SLX4IP: variants seen among roughly 807,000 people sequenced by gnomAD.
SLX4IP encodes protein SLX4IP.
Under a neutral mutation model 32.9 loss-of-function variants are expected in SLX4IP, and 34 were observed. The ratio of observed to expected loss-of-function variants is 1.03; its 90% CI spans 0.79 to 1.38. The LOEUF (loss-of-function observed/expected upper bound fraction) is 1.38. SLX4IP is among the 40% of genes most tolerant of loss of function. The probability of loss-of-function intolerance (pLI) is 0.00; values close to 1 mark genes in which losing one functional copy is unlikely to be tolerated. For missense variants in SLX4IP, 444 were observed against 479.0 expected (o/e 0.93, Z 0.68); for synonymous variants, 172 against 171.7 (o/e 1.00, Z -0.01).
At chr20:10,436,797 T>C (rs6032878) in intron 1 of SLX4IP, among the ~76,000 whole-genome samples, 14,451 of 152,234 alleles carry the variant, frequency 0.095, 755 homozygotes, top group East Asian at 0.15. Flanking sequence ...GGCGTCAATT[T>C]AGCTTTCCAA....
intron 6 of SLX4IP, among the ~76,000 whole-genome samples, chr20:10,615,111 A>G (rs963891388): frequency 2.6e-5 from 4 of 152,048 alleles, no homozygotes; most frequent in African/African-American, 9.7e-5. Context: ...ATTTGCTCGT[A>G]CAGTTCACAT....
chr20:10,626,315 G>A lies in SLX4IP; in HGVS notation c.*2936G>A, dbSNP rs2067173905. On this transcript the variant is annotated 3_prime_UTR_variant, in exon 8 of 8. Coordinates refer to ENST00000334534, the MANE Select transcript of SLX4IP (RefSeq NM_001009608.3). The stretch of plus-strand genomic sequence containing the variant: ...CCCAAAGTGCTGGGATTACAGGTGA[G>A]AGCCACCGCACCCGGCCTGTTTTGA... 1 of 149,718 alleles carries A rather than the reference G, an allele frequency of 6.7e-6. No homozygotes were observed. The highest frequency in any genetic ancestry group is 2.1e-4 in the South Asian group (1 of 4,736). The allele number at this position is 149,718 out of a possible 1,614,324, so 9.3% of individuals were successfully genotyped here. A position where few individuals can be genotyped will look rare whatever the true frequency, so the allele number is the denominator to read the frequency against.
intron 4 of SLX4IP, among the ~76,000 whole-genome samples, chr20:10,570,717 C>T (rs2066453281): frequency 6.6e-6 from 1 of 151,918 alleles, no homozygotes; most frequent in African/African-American, 2.4e-5. Flanking sequence ...TTAGTAGAGA[C>T]AGGTTTTCGC....
At chr20:10,441,535 G>A (rs2065159491) in intron 1 of SLX4IP, among the ~76,000 whole-genome samples, 1 of 152,144 alleles carries the variant, frequency 6.6e-6, no homozygotes, top group African/African-American at 2.4e-5. Context: ...AGCAGGAAGG[G>A]GAGGCTCAGA....
intron 2 of SLX4IP, among the ~76,000 whole-genome samples, chr20:10,509,236 G>T (rs188125304): frequency 6.6e-6 from 1 of 152,304 alleles, no homozygotes; most frequent in Non-Finnish European, 1.5e-5. Context: ...TTGTTCCCGG[G>T]TCTTTCAATT....
chr20:10,465,898 C>T (rs1048020334), intron 2 of SLX4IP, among the ~76,000 whole-genome samples: 19 of 152,188 alleles, frequency 1.2e-4, no homozygotes, highest in African/African-American at 4.6e-4. Context: ...CTGTATTGGC[C>T]AACACAGATC....
chr20:10,478,795 T>C (rs2065495151), intron 2 of SLX4IP, among the ~76,000 whole-genome samples: 2 of 152,166 alleles, frequency 1.3e-5, no homozygotes, highest in Non-Finnish European at 2.9e-5. Flanking sequence ...CAGACTCCTT[T>C]GTAAAAGCTT....
intron 1 of SLX4IP, among the ~76,000 whole-genome samples, chr20:10,440,787 G>A (rs1230420344): frequency 6.6e-6 from 1 of 152,086 alleles, no homozygotes; most frequent in Non-Finnish European, 1.5e-5. Flanking sequence ...AAGGTGACTG[G>A]AAAACATTAG....
At chr20:10,484,321 C>T (rs533322659) in intron 2 of SLX4IP, among the ~76,000 whole-genome samples, 3 of 152,174 alleles carry the variant, frequency 2.0e-5, no homozygotes, top group Admixed American at 2.0e-4. Flanking sequence ...TAGATAGATA[C>T]ATTGTCAGTG....
At chr20:10,490,897 C>T in intron 2 of SLX4IP, among the ~76,000 whole-genome samples, 1 of 152,116 alleles carries the variant, frequency 6.6e-6, no homozygotes, top group East Asian at 1.9e-4. Flanking sequence ...TTGTTTTCTG[C>T]TACAACACAG....
intron 4 of SLX4IP, among the ~76,000 whole-genome samples, chr20:10,583,462 T>A (rs555176708): frequency 6.6e-6 from 1 of 152,270 alleles, no homozygotes; most frequent in East Asian, 1.9e-4. Flanking sequence ...CATCCCCAAT[T>A]TTTTTTCTAT....
At chr20:10,501,650 T>TA (rs546049377) in intron 2 of SLX4IP, among the ~76,000 whole-genome samples, 81 of 152,358 alleles carry the variant, frequency 5.3e-4, no homozygotes, top group African/African-American at 1.9e-3. Flanking sequence ...GCCCAAGACT[T>TA]ATTGTGTGGC....
At chr20:10,548,282 A>G (rs1362678796) in intron 2 of SLX4IP, among the ~76,000 whole-genome samples, 2 of 151,854 alleles carry the variant, frequency 1.3e-5, no homozygotes, top group Non-Finnish European at 2.9e-5. Flanking sequence ...TCTGTCGCCC[A>G]GGCTGGAGTG....
chr20:10,542,111 A>G (rs1034117221), intron 2 of SLX4IP, among the ~76,000 whole-genome samples: 2 of 152,212 alleles, frequency 1.3e-5, no homozygotes, highest in African/African-American at 4.8e-5. Context: ...CCAGCAGTCA[A>G]TCCTTTCCTG....
intron 2 of SLX4IP, among the ~76,000 whole-genome samples, chr20:10,545,891 T>C (rs1431966812): frequency 6.6e-6 from 1 of 152,226 alleles, no homozygotes; most frequent in Non-Finnish European, 1.5e-5. Context: ...TACAGGGGTT[T>C]TCTTTGACTC....
chr20:10,547,313 C>A (rs1386926158), intron 2 of SLX4IP, among the ~76,000 whole-genome samples: 1 of 152,146 alleles, frequency 6.6e-6, no homozygotes. Flanking sequence ...AATCCTTCCC[C>A]AACCATAGTA....
At chr20:10,490,875 G>A (rs2065616585) in intron 2 of SLX4IP, among the ~76,000 whole-genome samples, 1 of 152,128 alleles carries the variant, frequency 6.6e-6, no homozygotes, top group Non-Finnish European at 1.5e-5. Flanking sequence ...CTCTGATTCA[G>A]TAGCTCTCAA....
rs575165773 is a variant in SLX4IP at position 10,609,662 on chromosome 20, G to T, written c.405+7843G>T. On this transcript the variant is annotated intron_variant, in intron 6 of 7. Transcript: ENST00000334534. ...CTCTCTCCACCATGTCCCTGTTCAG[G>T]CCCACATGCTCAGTCAGGTGAGATG... Among the ~76,000 whole-genome samples, 188 of 152,250 alleles carry T rather than the reference G, an allele frequency of 1.2e-3. 1 individual carries two copies. Among genetic ancestry groups the T allele is most frequent in the African/African-American group, 4.3e-3 (180 of 41,544 alleles).
intron 2 of SLX4IP, among the ~76,000 whole-genome samples, chr20:10,464,022 A>G (rs575606491): frequency 6.6e-6 from 1 of 152,356 alleles, no homozygotes; most frequent in East Asian, 1.9e-4. Flanking sequence ...CATAAAGTAT[A>G]TAAAACTGAA....
Sources: gnomAD v4.1 joint callset for allele counts (sites outside exome capture counted in the v4.1 genomes callset) on GRCh38, gnomAD v4.1.1 for gene constraint, MANE v1.5 for transcripts, NCBI Gene and HGNC (gene_info 2026-07-23, HGNC 2026-07-21) for gene names.